The following NTNG1 variants were observed in gnomAD, a reference collection of about 807,000 sequenced individuals.
NTNG1 encodes netrin-G1.
In NTNG1, 16 loss-of-function variants were observed where a neutral mutation model predicts 54.0. That is an observed-to-expected ratio of 0.30 (90% CI 0.20 to 0.45). The LOEUF (loss-of-function observed/expected upper bound fraction) is 0.45. Ranked by LOEUF, NTNG1 falls within the 20% of genes least tolerant of loss-of-function variation. NTNG1 has a pLI of 1.00. For synonymous variants in NTNG1, 255 were observed against 263.1 expected, an observed-to-expected ratio of 0.97 and a Z score of 0.30; for missense variants, 530 against 678.7, an observed-to-expected ratio of 0.78 and a Z score of 2.43.
At chr1:107,274,723 A>G (rs552517889) in intron 2 of NTNG1, among the ~76,000 whole-genome samples, 236 of 152,354 alleles carry the variant, frequency 1.5e-3, no homozygotes, top group African/African-American at 5.6e-3. Flanking sequence ...GTTAGCTCCC[A>G]CTACAGACAG....
At chr1:107,414,668 A>G (rs1256489209) in intron 5 of NTNG1, among the ~76,000 whole-genome samples, 2 of 152,178 alleles carry the variant, frequency 1.3e-5, no homozygotes, top group Non-Finnish European at 2.9e-5. Context: ...AACTGTTTAT[A>G]GTACAGCAAT....
chr1:107,309,061 C>G (rs1666855139), intron 2 of NTNG1, among the ~76,000 whole-genome samples: 1 of 152,172 alleles, frequency 6.6e-6, no homozygotes, highest in African/African-American at 2.4e-5. Flanking sequence ...CTTCCATCAT[C>G]TTGCTCTTCA....
chr1:107,142,783 A>C (rs757389890), intron 1 of NTNG1, among the ~76,000 whole-genome samples: 10 of 145,936 alleles, frequency 6.9e-5, no homozygotes, highest in Non-Finnish European at 1.3e-4. Flanking sequence ...TTTTTTTTTC[A>C]GGGGAGGCTT....
intron 2 of NTNG1, among the ~76,000 whole-genome samples, chr1:107,196,480 G>A (rs1011035850): frequency 6.6e-6 from 1 of 152,056 alleles, no homozygotes. Flanking sequence ...TTATCCCATG[G>A]AAGTTGAGGA....
intron 3 of NTNG1, among the ~76,000 whole-genome samples, chr1:107,352,660 C>T (rs1261896098): frequency 6.6e-6 from 1 of 152,216 alleles, no homozygotes; most frequent in Non-Finnish European, 1.5e-5. Flanking sequence ...CAAAACCCAA[C>T]ATAGTAGTCA....
chr1:107,321,826 C>G (rs974437428), intron 2 of NTNG1, among the ~76,000 whole-genome samples: 1 of 152,208 alleles, frequency 6.6e-6, no homozygotes, highest in Non-Finnish European at 1.5e-5. Flanking sequence ...AGGGCTACAA[C>G]AGAGGGAACT....
intron 7 of NTNG1, among the ~76,000 whole-genome samples, chr1:107,459,801 T>C (rs191284753): frequency 1.3e-5 from 2 of 152,238 alleles, no homozygotes; most frequent in East Asian, 3.9e-4. Context: ...TTGGAATGTT[T>C]TAACACAAGC....
At chr1:107,220,049 A>G (rs1169860216) in intron 2 of NTNG1, among the ~76,000 whole-genome samples, 3 of 152,244 alleles carry the variant, frequency 2.0e-5, no homozygotes, top group Middle Eastern at 6.8e-3. Context: ...CTCTCCATGG[A>G]CAAGGCTTGC....
chr1:107,235,316 G>A (rs1356621252), intron 2 of NTNG1, among the ~76,000 whole-genome samples: 9 of 151,796 alleles, frequency 5.9e-5, no homozygotes, highest in Non-Finnish European at 1.2e-4. Flanking sequence ...TCAGAAACGT[G>A]GTTACTGGGC....
chr1:107,198,850 A>C (rs12116703), intron 2 of NTNG1, among the ~76,000 whole-genome samples: 7,707 of 151,876 alleles, frequency 0.051, 205 homozygotes, highest in African/African-American at 0.074. Context: ...TGGCTCATGG[A>C]GTGTTTAGTC....
chr1:107,302,827 C>G (rs922017192), intron 2 of NTNG1, among the ~76,000 whole-genome samples: 1 of 152,156 alleles, frequency 6.6e-6, no homozygotes, highest in Non-Finnish European at 1.5e-5. Flanking sequence ...CCTTACTTTT[C>G]TAAGCTAGCT....
chr1:107,463,900 A>C (rs924446010), intron 7 of NTNG1, among the ~76,000 whole-genome samples: 3 of 152,184 alleles, frequency 2.0e-5, no homozygotes, highest in African/African-American at 7.2e-5. Flanking sequence ...ATACATTTTC[A>C]TTTGGTGGAT....
intron 4 of NTNG1, among the ~76,000 whole-genome samples, chr1:107,406,487 T>C (rs1200217121): frequency 1.3e-5 from 2 of 152,116 alleles, no homozygotes; most frequent in Non-Finnish European, 2.9e-5. Context: ...TAGCCCTTTT[T>C]CAGATGAGGA....
intron 2 of NTNG1, among the ~76,000 whole-genome samples, chr1:107,270,236 G>A (rs1664049157): frequency 6.6e-6 from 1 of 152,070 alleles, no homozygotes; most frequent in Admixed American, 6.6e-5. Flanking sequence ...TTTGTATTGA[G>A]TTTTTTCTGT....
intron 2 of NTNG1, among the ~76,000 whole-genome samples, chr1:107,274,750 G>T (rs1040961749): frequency 1.3e-5 from 2 of 152,184 alleles, no homozygotes; most frequent in Non-Finnish European, 2.9e-5. Flanking sequence ...GAGGGTTTTA[G>T]ATGTGTTGGC....
intron 2 of NTNG1, among the ~76,000 whole-genome samples, chr1:107,174,397 G>A (rs1181020242): frequency 6.6e-6 from 1 of 152,064 alleles, no homozygotes; most frequent in Admixed American, 6.6e-5. Flanking sequence ...AAATGTGTGT[G>A]TGTTTTTGCC....
chr1:107,412,779 A>T (rs898812257), intron 5 of NTNG1, among the ~76,000 whole-genome samples: 5 of 152,180 alleles, frequency 3.3e-5, no homozygotes, highest in Non-Finnish European at 7.3e-5. Context: ...CATCTTCAAT[A>T]TATTGAGGAA....
At chr1:107,473,747 T>C (rs1030006835) in intron 7 of NTNG1, among the ~76,000 whole-genome samples, 1 of 152,228 alleles carries the variant, frequency 6.6e-6, no homozygotes, top group Non-Finnish European at 1.5e-5. Flanking sequence ...TCATGGCAAT[T>C]GTGAGAGCTT....
chr1:107,372,005 A>T (rs1670946561), intron 3 of NTNG1, among the ~76,000 whole-genome samples: 1 of 152,046 alleles, frequency 6.6e-6, no homozygotes, highest in African/African-American at 2.4e-5. Context: ...TTCAGATTTG[A>T]GGTGCTCAAC....
Sources: allele counts gnomAD v4.1 joint callset (sites outside exome capture counted in the v4.1 genomes callset), GRCh38; gene constraint gnomAD v4.1.1; transcripts MANE v1.5; gene names NCBI Gene and HGNC (gene_info 2026-07-23, HGNC 2026-07-21).